SLC4A10: variants seen among roughly 807,000 people sequenced by gnomAD.
The protein encoded by SLC4A10 is sodium-driven chloride bicarbonate exchanger.
Under a neutral mutation model 137.7 loss-of-function variants are expected in SLC4A10, and 42 were observed. That is an observed-to-expected ratio of 0.30 (90% CI 0.24 to 0.39). SLC4A10 has a LOEUF of 0.39. Among genes scored for constraint, SLC4A10 ranks in the 10% least tolerant of loss-of-function variants. The pLI is 1.00. For missense variants in SLC4A10, 925 were observed against 1,355.0 expected, an observed-to-expected ratio of 0.68 and a Z score of 4.98; for synonymous variants, 474 against 464.1, an observed-to-expected ratio of 1.02 and a Z score of -0.27.
At chr2:161,832,240 A>C (rs2058479172) in intron 3 of SLC4A10, among the ~76,000 whole-genome samples, 1 of 152,174 alleles carries the variant, frequency 6.6e-6, no homozygotes, top group South Asian at 2.1e-4. Context: ...ATGATACTCT[A>C]GGTACTACTA....
chr2:161,788,495 G>A (rs1036714521), intron 2 of SLC4A10, among the ~76,000 whole-genome samples: 1 of 152,032 alleles, frequency 6.6e-6, no homozygotes, highest in African/African-American at 2.4e-5. Context: ...ACTGGTCTTG[G>A]TGGTAGGGGC....
At chr2:161,932,869 T>C (rs1003355950) in intron 15 of SLC4A10, among the ~76,000 whole-genome samples, 2 of 152,072 alleles carry the variant, frequency 1.3e-5, no homozygotes, top group Non-Finnish European at 2.9e-5. Flanking sequence ...CTAGGTCTGA[T>C]CTTTTCTCCC....
At chr2:161,625,723 C>G (rs570439034) in intron 1 of SLC4A10, among the ~76,000 whole-genome samples, 2 of 151,980 alleles carry the variant, frequency 1.3e-5, no homozygotes, top group Non-Finnish European at 2.9e-5. Flanking sequence ...CAAAAAGATT[C>G]CAGTTTGCAT....
At chr2:161,901,512 A>G (rs1206968850) in intron 12 of SLC4A10, among the ~76,000 whole-genome samples, 1 of 152,168 alleles carries the variant, frequency 6.6e-6, no homozygotes, top group African/African-American at 2.4e-5. Context: ...TTATTTCTTA[A>G]AATGGTGCTT....
intron 1 of SLC4A10, among the ~76,000 whole-genome samples, chr2:161,662,256 C>T (rs995146659): frequency 6.6e-6 from 1 of 151,914 alleles, no homozygotes; most frequent in Non-Finnish European, 1.5e-5. Context: ...TTTTTAAAAC[C>T]ATATCCAGAA....
chr2:161,710,700 T>G (rs1163287526), intron 1 of SLC4A10: 1 of 455,594 alleles, frequency 2.2e-6, no homozygotes, highest in African/African-American at 2.0e-5. Flanking sequence ...AAGGCTGCCT[T>G]CGTTTATACT....
chr2:161,963,236 T>C (rs918030759), intron 21 of SLC4A10, among the ~76,000 whole-genome samples: 3 of 152,138 alleles, frequency 2.0e-5, no homozygotes, highest in Admixed American at 2.0e-4. Context: ...ATTGGTTTGC[T>C]TGATTAAAAA....
chr2:161,675,336 A>G (rs1028953285), intron 1 of SLC4A10, among the ~76,000 whole-genome samples: 14 of 152,306 alleles, frequency 9.2e-5, no homozygotes, highest in Admixed American at 5.9e-4. Flanking sequence ...GAGGGAGATT[A>G]AACCTGAAGC....
intron 21 of SLC4A10, among the ~76,000 whole-genome samples, chr2:161,961,211 A>G (rs1575861123): frequency 6.6e-6 from 1 of 152,182 alleles, no homozygotes; most frequent in African/African-American, 2.4e-5. Context: ...TCCTGAGCAA[A>G]TGACTAACCA....
intron 17 of SLC4A10, among the ~76,000 whole-genome samples, chr2:161,948,157 C>A (rs561672519): frequency 7.3e-4 from 111 of 152,178 alleles, no homozygotes; most frequent in Non-Finnish European, 1.5e-3. Context: ...TCCCCCTAAC[C>A]CACCACGTTT....
At chr2:161,704,661 C>T (rs552010673) in intron 1 of SLC4A10, among the ~76,000 whole-genome samples, 1 of 151,440 alleles carries the variant, frequency 6.6e-6, no homozygotes, top group South Asian at 2.1e-4. Context: ...GAGGTTGTAC[C>T]CCACAAATAT....
At chr2:161,792,213 C>A (rs185002945) in intron 2 of SLC4A10, among the ~76,000 whole-genome samples, 1 of 152,132 alleles carries the variant, frequency 6.6e-6, no homozygotes, top group East Asian at 1.9e-4. Flanking sequence ...TGTTTTCAAC[C>A]AATCACTATT....
At chr2:161,647,878 C>A (rs866843650) in intron 1 of SLC4A10, among the ~76,000 whole-genome samples, 3 of 152,266 alleles carry the variant, frequency 2.0e-5, no homozygotes, top group Admixed American at 6.5e-5. Flanking sequence ...TCTCAATGAC[C>A]ACTTTTTCAC....
chr2:161,920,239 G>A (rs1003863545), intron 15 of SLC4A10, among the ~76,000 whole-genome samples: 4 of 152,176 alleles, frequency 2.6e-5, no homozygotes, highest in Admixed American at 6.5e-5. Context: ...GGCACCACTG[G>A]CCACAAAGGC....
intron 1 of SLC4A10, among the ~76,000 whole-genome samples, chr2:161,646,537 G>T (rs182067261): frequency 3.6e-4 from 55 of 151,966 alleles, no homozygotes; most frequent in African/African-American, 1.2e-3. Flanking sequence ...TCACACTATT[G>T]TTCCACATAG....
At chr2:161,714,938 G>A (rs1008137098) in intron 1 of SLC4A10, among the ~76,000 whole-genome samples, 1 of 151,718 alleles carries the variant, frequency 6.6e-6, no homozygotes, top group Non-Finnish European at 1.5e-5. Flanking sequence ...ACTGAACTAG[G>A]TAAATGCTAC....
chr2:161,624,587 A>G (rs368645849), intron 1 of SLC4A10, 21 bp downstream of exon 1: 24 of 1,551,742 alleles, frequency 1.5e-5, no homozygotes, highest in East Asian at 2.4e-5. Context: ...ACCTGCTATC[A>G]CATAGATTAA....
chr2:161,982,720 C>A (rs1700386802), intron 26 of SLC4A10, among the ~76,000 whole-genome samples: 1 of 152,092 alleles, frequency 6.6e-6, no homozygotes, highest in South Asian at 2.1e-4. Flanking sequence ...CAGTCTTCAT[C>A]AAAGGTCAGG....
chr2:161,982,573 T>C (rs1438370810), intron 26 of SLC4A10, among the ~76,000 whole-genome samples: 1 of 151,656 alleles, frequency 6.6e-6, no homozygotes, highest in Non-Finnish European at 1.5e-5. Flanking sequence ...GTCTGAGGAG[T>C]GAGGTGAAGC....
Sources: gnomAD v4.1 joint callset for allele counts (sites outside exome capture counted in the v4.1 genomes callset) on GRCh38, gnomAD v4.1.1 for gene constraint, MANE v1.5 for transcripts, NCBI Gene and HGNC (gene_info 2026-07-23, HGNC 2026-07-21) for gene names.